Variants in KALRN observed in about 807,000 individuals in gnomAD.
KALRN encodes kalirin RhoGEF kinase.
A neutral mutation model predicts 353.7 loss-of-function variants in KALRN; 70 were observed. That is an observed-to-expected ratio of 0.20 (90% CI 0.16 to 0.24). KALRN has a LOEUF of 0.24. Among genes scored for constraint, KALRN ranks in the 10% least tolerant of loss-of-function variants. KALRN has a pLI of 1.00. For synonymous variants in KALRN, 1,391 were observed against 1,434.8 expected (o/e 0.97, Z 0.69); for missense variants, 2,791 against 3,756.7 (o/e 0.74, Z 6.72).
intron 33 of KALRN, among the ~76,000 whole-genome samples, chr3:124,527,615 A>C (rs1484466461): frequency 6.6e-6 from 1 of 151,360 alleles, no homozygotes; most frequent in Non-Finnish European, 1.5e-5. Context: ...AAAAAAAAAG[A>C]AGAAGAAGAA....
chr3:124,683,296 C>T (rs1365186256), intron 51 of KALRN, among the ~76,000 whole-genome samples: 1 of 152,190 alleles, frequency 6.6e-6, no homozygotes, highest in Non-Finnish European at 1.5e-5. Flanking sequence ...CCGGTATCTG[C>T]ACTGACACCC....
Position 124,719,620 on chromosome 3 carries a change from C to A in KALRN, c.*150C>A. ...CTCTTAAACCTCGTCAGTGGTTATT[C>A]AGGGTCTGAGCAGCAGTAAAAGTCA... On this transcript the variant is annotated 3_prime_UTR_variant, in exon 60 of 60. Coordinates refer to ENST00000682506, the MANE Select transcript of KALRN (RefSeq NM_001388419.1). This position sits in a 1 kb window ranked among gnomAD's most constrained non-coding sequence, Gnocchi z 5.3. 2 of 756,256 alleles carry A rather than the reference C, an allele frequency of 2.6e-6. No homozygotes were observed. Among genetic ancestry groups the A allele is most frequent in the Non-Finnish European group, 4.2e-6 (2 of 477,872 alleles). The allele number at this position is 756,256 out of a possible 1,614,324, so 46.8% of individuals were successfully genotyped here. A position where few individuals can be genotyped will look rare whatever the true frequency, so the allele number is the denominator to read the frequency against.
intron 6 of KALRN, among the ~76,000 whole-genome samples, chr3:124,321,284 G>A (rs146778334): frequency 6.6e-6 from 1 of 152,282 alleles, no homozygotes; most frequent in African/African-American, 2.4e-5. Context: ...TCTTGGCAAT[G>A]ATCTTCTCTT....
intron 52 of KALRN, 119 bp from the exon 53 acceptor site, chr3:124,694,213 A>C (rs2061952474): frequency 2.1e-6 from 2 of 950,478 alleles, no homozygotes; most frequent in South Asian, 3.1e-5. Context: ...GTTATACTGA[A>C]GGTTATTTGA....
chr3:124,314,267 G>A (rs76527464), intron 6 of KALRN, among the ~76,000 whole-genome samples: 2,045 of 147,218 alleles, frequency 0.014, 26 homozygotes, highest in Non-Finnish European at 0.022. Context: ...ACCAAACACC[G>A]CATGTTCTTA....
At chr3:124,503,110 G>T (rs989164202) in intron 33 of KALRN, among the ~76,000 whole-genome samples, 3 of 152,330 alleles carry the variant, frequency 2.0e-5, no homozygotes, top group African/African-American at 7.2e-5. Flanking sequence ...CTTTGTCTCA[G>T]TGGGGCTGGA....
chr3:124,322,445 G>C (rs1451165149), intron 6 of KALRN, among the ~76,000 whole-genome samples: 1 of 152,216 alleles, frequency 6.6e-6, no homozygotes, highest in African/African-American at 2.4e-5. Context: ...CTAATGGGCA[G>C]CTCTGCAGAT....
At chr3:124,456,116 GA>G (rs2059285707) in intron 22 of KALRN, among the ~76,000 whole-genome samples, 1 of 152,200 alleles carries the variant, frequency 6.6e-6, no homozygotes. Context: ...TGAGCAATGA[GA>G]AAGTTCAGTC....
chr3:124,595,713 A>G (rs7639225), intron 34 of KALRN, among the ~76,000 whole-genome samples: 46,511 of 151,958 alleles, frequency 0.31, 7,699 homozygotes, highest in East Asian at 0.5. Flanking sequence ...GAAAGGAAGA[A>G]TGTACTATTT....
intron 18 of KALRN, among the ~76,000 whole-genome samples, chr3:124,440,423 C>A (rs994517978): frequency 6.6e-6 from 1 of 151,994 alleles, no homozygotes; most frequent in African/African-American, 2.4e-5. Context: ...ATATTGAGCT[C>A]TTTATTTATA....
chr3:124,290,120 TATG>T (rs1334365134), intron 5 of KALRN, among the ~76,000 whole-genome samples: 1 of 152,142 alleles, frequency 6.6e-6, no homozygotes, highest in Non-Finnish European at 1.5e-5. Context: ...TGAGACTAGA[TATG>T]ATGTGTCAAG....
intron 27 of KALRN, among the ~76,000 whole-genome samples, chr3:124,477,924 G>A (rs2061581791): frequency 6.6e-6 from 1 of 152,212 alleles, no homozygotes; most frequent in Non-Finnish European, 1.5e-5. Flanking sequence ...ATATTTTAAA[G>A]TTTCTGGTGA....
intron 11 of KALRN, among the ~76,000 whole-genome samples, chr3:124,394,059 T>C (rs1490822597): frequency 1.3e-5 from 2 of 152,264 alleles, no homozygotes; most frequent in African/African-American, 2.4e-5. Flanking sequence ...TAGAATCAGA[T>C]GGAAACTAAC....
chr3:124,141,492 C>T (rs575548257), intron 1 of KALRN, among the ~76,000 whole-genome samples: 61 of 152,310 alleles, frequency 4.0e-4, no homozygotes, highest in Admixed American at 7.2e-4. Flanking sequence ...ACCTGTCCTC[C>T]CCCTGAATCC....
chr3:124,718,144 T>G lies in KALRN; in HGVS notation c.8415+759T>G, dbSNP rs1332771126. On this transcript the variant is annotated intron_variant, in intron 59 of 59. Coordinates refer to ENST00000682506, the MANE Select transcript of KALRN (RefSeq NM_001388419.1). The stretch of plus-strand genomic sequence containing the variant: ...ACTATTTTTTTTTTTTTTTTTGAGA[T>G]GGAGTCTCGCTCTGTCACCCAGGCT... Among the ~76,000 whole-genome samples the G allele has an allele frequency of 8.0e-5, 11 of 137,098 alleles. No individual in the cohort carries two copies. The East Asian group carries it at 2.4e-3, about 30-fold the overall frequency. 89.9% of individuals were successfully genotyped at this position (137,098 alleles called of 152,430 possible). A position where few individuals can be genotyped will look rare whatever the true frequency, so the allele number is the denominator to read the frequency against.
At chr3:124,701,632 T>A (rs1200245743) in intron 56 of KALRN, among the ~76,000 whole-genome samples, 1 of 152,168 alleles carries the variant, frequency 6.6e-6, no homozygotes, top group Admixed American at 6.5e-5. Flanking sequence ...TGTCTTTTCC[T>A]TTTCTCCTTT....
At chr3:124,439,639 A>G (rs1042174286) in intron 18 of KALRN, among the ~76,000 whole-genome samples, 2 of 152,218 alleles carry the variant, frequency 1.3e-5, no homozygotes, top group African/African-American at 4.8e-5. Flanking sequence ...TTATTTATCA[A>G]TCTAGCAATT....
chr3:124,560,829 A>AT (rs912433450), intron 33 of KALRN, among the ~76,000 whole-genome samples: 59 of 152,204 alleles, frequency 3.9e-4, no homozygotes, highest in Admixed American at 3.9e-3. Flanking sequence ...GTGAGCCAAG[A>AT]TTGCACCACT....
intron 1 of KALRN, chr3:124,164,800 C>T (rs569250860): frequency 6.6e-6 from 1 of 152,030 alleles, no homozygotes; most frequent in African/African-American, 2.4e-5. Context: ...AGAAAATGTC[C>T]AAGTCTAGAC....
Sources: gnomAD v4.1 joint callset for allele counts (sites outside exome capture counted in the v4.1 genomes callset) on GRCh38, gnomAD v4.1.1 for gene constraint, Gnocchi (gnomAD v3.1) non-coding constraint, MANE v1.5 for transcripts, NCBI Gene and HGNC (gene_info 2026-07-23, HGNC 2026-07-21) for gene names.